RBPJ: variants seen among roughly 807,000 people sequenced by gnomAD.
The protein encoded by RBPJ is recombination signal binding protein for immunoglobulin kappa J region.
In RBPJ, 9 loss-of-function variants were observed where a neutral mutation model predicts 67.8. The observed-to-expected ratio is 0.13, with a 90% CI of 0.08 to 0.23. RBPJ has a LOEUF of 0.23. RBPJ is among the 10% of genes least tolerant of loss of function. The pLI is 1.00. For synonymous variants in RBPJ, 198 were observed against 203.3 expected (o/e 0.97, Z 0.22); for missense variants, 305 against 595.6 (o/e 0.51, Z 5.08).
At chr4:26,251,320 G>A (rs1190609621) in intron 1 of RBPJ, among the ~76,000 whole-genome samples, 3 of 151,968 alleles carry the variant, frequency 2.0e-5, no homozygotes, top group African/African-American at 7.2e-5. Flanking sequence ...AACTGGACCA[G>A]CACAGTAGCA....
intron 1 of RBPJ, among the ~76,000 whole-genome samples, chr4:26,355,405 TC>T: frequency 6.6e-6 from 1 of 150,698 alleles, no homozygotes; most frequent in Admixed American, 6.6e-5. Context: ...ACACCTGTAA[TC>T]TCACAAGGCC....
At chr4:26,429,236 A>C (rs1490508094) in intron 8 of RBPJ, among the ~76,000 whole-genome samples, 1 of 152,256 alleles carries the variant, frequency 6.6e-6, no homozygotes, top group Non-Finnish European at 1.5e-5. Context: ...TCAAAATCTC[A>C]TCAGATTTAT....
chr4:26,415,570 C>G lies in RBPJ; in HGVS notation c.251C>G (p.Ser84Cys). The G allele has an allele frequency of 6.2e-7, 1 of 1,612,024 alleles. No individual in the cohort carries two copies. Among genetic ancestry groups the G allele is most frequent in the Admixed American group, 1.7e-5 (1 of 59,740 alleles). Reference sequence around the variant, plus strand: ...CGCGATGGTTGTTCTGAACAAGAGTCTCAACCGTGTGCATTTATTGGGATA... The same window carrying G: ...CGCGATGGTTGTTCTGAACAAGAGTGTCAACCGTGTGCATTTATTGGGATA... The part of the protein sequence containing the change: ...MERDGCSEQE[S>C]QPCAFIGIGN... Residue 84 changes from serine to cysteine, a missense_variant, in exon 4 of 11, where the codon TCT (serine) becomes TGT (cysteine). Coordinates refer to ENST00000355476, the MANE Select transcript of RBPJ (RefSeq NM_015874.6).
At chr4:26,416,402 T>C (rs1734593883) in intron 4 of RBPJ, among the ~76,000 whole-genome samples, 1 of 152,180 alleles carries the variant, frequency 6.6e-6, no homozygotes, top group Non-Finnish European at 1.5e-5. Context: ...AACTTTTTTG[T>C]ATTTTTTTGT....
At chr4:26,257,703 T>G (rs985396898) in intron 1 of RBPJ, among the ~76,000 whole-genome samples, 3 of 152,202 alleles carry the variant, frequency 2.0e-5, no homozygotes, top group Non-Finnish European at 4.4e-5. Flanking sequence ...ACCTACTCAT[T>G]TGTCTCTTCT....
At chr4:26,356,317 G>A (rs546134640) in intron 1 of RBPJ, among the ~76,000 whole-genome samples, 1 of 152,322 alleles carries the variant, frequency 6.6e-6, no homozygotes, top group African/African-American at 2.4e-5. Flanking sequence ...TGTAGCTACT[G>A]CCATTCAGCT....
chr4:26,316,595 A>AC (rs1560258580), upstream of RBPJ, among the ~76,000 whole-genome samples: 19 of 121,472 alleles, frequency 1.6e-4, no homozygotes, highest in African/African-American at 5.4e-4. Flanking sequence ...TCATATATAT[A>AC]ATATATATAT....
the RBPJ span, among the ~76,000 whole-genome samples, chr4:26,135,027 T>TC: frequency 6.6e-6 from 1 of 152,082 alleles, no homozygotes; most frequent in Non-Finnish European, 1.5e-5. Flanking sequence ...TTTCCTGAAG[T>TC]CCCCAGGGTA....
At chr4:26,216,071 A>G (rs550255052) in intron 1 of RBPJ, among the ~76,000 whole-genome samples, 7 of 152,120 alleles carry the variant, frequency 4.6e-5, no homozygotes, top group Non-Finnish European at 7.4e-5. Context: ...CTTAGCTTCT[A>G]GTGGCTCCAT....
rs1242936624 is a variant in RBPJ, at chr4:26,287,571, AAGGAAAGGACAGGAG to A, written c.-166-74870_-166-74856del. On this transcript the variant is annotated intron_variant, in intron 1 of 4. Coordinates refer to the RBPJ transcript ENST00000512351. The stretch of plus-strand genomic sequence containing the variant: ...TTGCCTCGGAAAGGAAAGGAAAGGA[AAGGAAAGGACAGGAG>A]AGGAGAGGGGAGGGGAGGGGAGGGG... 3.6e-3 allele frequency among the ~76,000 whole-genome samples: 152 copies of A among 42,456 alleles called. 2 individuals are homozygous for A. Among genetic ancestry groups the A allele is most frequent in the African/African-American group, 8.9e-3 (60 of 6,748 alleles). The allele number at this position is 42,456 out of a possible 152,430, so 27.9% of individuals were successfully genotyped here. A position where few individuals can be genotyped will look rare whatever the true frequency, so the allele number is the denominator to read the frequency against.
the RBPJ span, among the ~76,000 whole-genome samples, chr4:26,144,627 G>A: frequency 6.6e-6 from 1 of 152,144 alleles, no homozygotes; most frequent in Non-Finnish European, 1.5e-5. Flanking sequence ...AAAGAGGATA[G>A]GTATGGCTGA....
chr4:26,392,753 C>T (rs984280347), intron 2 of RBPJ, among the ~76,000 whole-genome samples: 4 of 152,138 alleles, frequency 2.6e-5, no homozygotes, highest in Non-Finnish European at 5.9e-5. Flanking sequence ...TGTATATATA[C>T]ATGCCAAAGC....
At chr4:26,152,425 A>G in the RBPJ span, among the ~76,000 whole-genome samples, 19 of 152,364 alleles carry the variant, frequency 1.2e-4, no homozygotes, top group African/African-American at 4.1e-4. Context: ...GATTGTTGTT[A>G]CAGCAGCATG....
the RBPJ span, among the ~76,000 whole-genome samples, chr4:26,123,970 T>TA: frequency 1.3e-5 from 2 of 152,164 alleles, no homozygotes; most frequent in African/African-American, 4.8e-5. Flanking sequence ...AAAATAACAA[T>TA]AAAAAGTATA....
chr4:26,222,875 G>T (rs1159345191), intron 1 of RBPJ, among the ~76,000 whole-genome samples: 1 of 151,872 alleles, frequency 6.6e-6, no homozygotes, highest in Admixed American at 6.6e-5. Flanking sequence ...ACTTTAATTG[G>T]CCAGGCGTGG....
At chr4:26,156,640 A>G in the RBPJ span, among the ~76,000 whole-genome samples, 2 of 72,988 alleles carry the variant, frequency 2.7e-5, no homozygotes, top group Non-Finnish European at 8.3e-5. Flanking sequence ...TTTTTAGTAG[A>G]CATGGGGTTT....
chr4:26,166,579 T>A (rs1716312519), intron 1 of RBPJ, among the ~76,000 whole-genome samples: 1 of 151,960 alleles, frequency 6.6e-6, no homozygotes. Context: ...GTTTTTTTCT[T>A]GTAAATTTGT....
chr4:26,345,012 G>T (rs1228299197), intron 1 of RBPJ, among the ~76,000 whole-genome samples: 1 of 152,028 alleles, frequency 6.6e-6, no homozygotes, highest in Non-Finnish European at 1.5e-5. Context: ...ATTTAGTCTC[G>T]TTCTTCCTAC....
chr4:26,324,281 TA>T (rs1723387417), intron 1 of RBPJ, among the ~76,000 whole-genome samples: 1 of 152,178 alleles, frequency 6.6e-6, no homozygotes, highest in Non-Finnish European at 1.5e-5. Context: ...TGGGATTTTT[TA>T]AAATCCCAAA....
Sources: allele counts gnomAD v4.1 joint callset (sites outside exome capture counted in the v4.1 genomes callset), GRCh38; gene constraint gnomAD v4.1.1; transcripts MANE v1.5; gene names NCBI Gene and HGNC (gene_info 2026-07-23, HGNC 2026-07-21).